Variants in TNXB observed in about 807,000 individuals in gnomAD.
The protein encoded by TNXB is tenascin-X.
A neutral mutation model predicts 340.5 loss-of-function variants in TNXB; 183 were observed. That is an observed-to-expected ratio of 0.54 (90% CI 0.48 to 0.61). The LOEUF (loss-of-function observed/expected upper bound fraction) is 0.61, where lower values mean the gene tolerates loss of function less well. TNXB is among the 20% of genes least tolerant of loss of function. The pLI is 0.00. For synonymous variants in TNXB, 2,121 were observed against 2,314.5 expected, an observed-to-expected ratio of 0.92 and a Z score of 2.40; for missense variants, 4,613 against 5,446.4, an observed-to-expected ratio of 0.85 and a Z score of 4.82.
At position 32,096,823 on chromosome 6, in the gene TNXB, A is replaced by G. The variant is rs866443724; in HGVS notation, c.1030T>C (p.Trp344Arg). The change falls in exon 3 of 44, where the codon TGG (tryptophan) becomes CGG (arginine). Residue 344 changes from tryptophan (W) to arginine (R), a missense_variant. Trp to Arg is a moderately radical substitution (Grantham distance 101). This residue lies in a region of TNXB where 4,327 missense variants were observed against 4,859.4 expected (regional missense o/e 0.89). Coordinates refer to ENST00000644971, the MANE Select transcript of TNXB (RefSeq NM_001365276.2). Reference sequence around the variant, plus strand: ...CAGCGCCCGCCCTCGCCACAGTCCCAGGGGCAGCTCCGCGTACCACAGTCC... The same window carrying G: ...CAGCGCCCGCCCTCGCCACAGTCCCGGGGGCAGCTCCGCGTACCACAGTCC... ...GEDCGTRSCP[W>R]DCGEGGRCVD... The G allele has an allele frequency of 1.9e-6, 3 of 1,591,690 alleles. No homozygotes were observed. The highest frequency in any genetic ancestry group is 2.6e-6 in the Non-Finnish European group (3 of 1,171,702).
In TNXB at chr6:32,079,436, A is replaced by C; in HGVS notation, c.4043-71T>G. 7.6e-7 allele frequency: 1 copy of C among 1,313,776 alleles called. No homozygotes were observed. The highest frequency in any genetic ancestry group is 2.4e-5 in the Admixed American group (1 of 41,582). 81.4% of individuals were successfully genotyped at this position (1,313,776 alleles called of 1,614,324 possible). A position where few individuals can be genotyped will look rare whatever the true frequency, so the allele number is the denominator to read the frequency against. The stretch of plus-strand genomic sequence containing the variant: ...GCTGCCCACAGATGACAGCCATGGA[A>C]ATGCCCTTACGCTGTGGGCTCAGGG... On this transcript the variant is annotated intron_variant, in intron 10 of 43. Transcript: ENST00000644971. This position sits in a 1 kb window ranked among gnomAD's most constrained non-coding sequence, Gnocchi z 7.1.
At chr6:32,102,548 TA>T (rs1780772846) in intron 1 of TNXB, among the ~76,000 whole-genome samples, 1 of 151,652 alleles carries the variant, frequency 6.6e-6, no homozygotes, top group Admixed American at 6.6e-5. Context: ...CTTATACTCT[TA>T]TATACCCTTC....
chr6:32,068,467 T>A lies in TNXB; in HGVS notation c.6143A>T (p.Asp2048Val). 1 of 1,613,848 alleles carries A rather than the reference T, an allele frequency of 6.2e-7. No individual in the cohort carries two copies. The highest frequency in any genetic ancestry group is 8.5e-7 in the Non-Finnish European group (1 of 1,179,888). ...GTACAGGTTCATCTTGTATTTATGG[T>A]CTGGCTCCAGGCCCGAGATGGTGAC... is the stretch of plus-strand genomic sequence containing the variant. Reference protein sequence around the residue: ...EGVTISGLEPDHKYKMNLYGF... With the variant: ...EGVTISGLEPVHKYKMNLYGF... Residue 2048 changes from aspartate to valine, a missense_variant, in exon 17 of 44, where the codon GAC becomes GTC. Physicochemically the swap from Asp to Val is radical, Grantham distance 152. Around this residue, in one of 7 missense-constraint regions of TNXB, gnomAD observed 4,327 missense variants for 4,859.4 expected, o/e 0.89. Transcript: ENST00000644971. This position sits in a 1 kb window ranked among gnomAD's most constrained non-coding sequence, Gnocchi z 5.3.
In TNXB at chr6:32,055,858, AC is replaced by A; in HGVS notation, c.8459del (p.Gly2820ValfsTer2). 6.2e-7 allele frequency: 1 copy of A among 1,606,802 alleles called. No individual in the cohort carries two copies. The highest frequency in any genetic ancestry group is 8.5e-7 in the Non-Finnish European group (1 of 1,174,102). On this transcript the variant is annotated frameshift_variant, in exon 24 of 44. Coordinates refer to ENST00000644971, the MANE Select transcript of TNXB (RefSeq NM_001365276.2). LOFTEE classifies it high-confidence loss of function. ...TCACTCACAAACACTCACCTGTCAC[AC>A]CCACGGTGGACACCGGGCCCACACG... Reference protein sequence around the residue: ...GRRVGPVSTVGVTAPEDEAET... With the variant: ...GRRVGPVSTVXVTAPEDEAET...
Position 32,058,911 on chromosome 6 carries a change from C to T in TNXB, c.7493-521G>A, listed in dbSNP as rs1207917901. On this transcript the variant is annotated intron_variant, in intron 21 of 43. Coordinates refer to ENST00000644971, the MANE Select transcript of TNXB (RefSeq NM_001365276.2). The surrounding 1 kb of genome is among the most constrained non-coding windows in gnomAD (Gnocchi z 5.1). Reference sequence around the variant, plus strand: ...TGAATGATTACAATGTACTTGTGTACAAAAAAGGAAGTGCCAAGAACTTTA... The same window carrying T: ...TGAATGATTACAATGTACTTGTGTATAAAAAAGGAAGTGCCAAGAACTTTA... 2.0e-5 allele frequency among the ~76,000 whole-genome samples: 3 copies of T among 151,712 alleles called. No homozygotes were observed. The highest frequency in any genetic ancestry group is 7.3e-5 in the African/African-American group (3 of 41,074).
At position 32,056,118 on chromosome 6, in the gene TNXB, G is replaced by C. The variant is rs200810612; in HGVS notation, c.8200C>G (p.Pro2734Ala). The C allele has an allele frequency of 3.0e-5, 48 of 1,612,558 alleles. 1 individual carries two copies. Among genetic ancestry groups the C allele is most frequent in the Non-Finnish European group, 5.9e-6 (7 of 1,179,830 alleles). Reference protein sequence around the residue: ...TELSTEAPEPPEEPLLGELTV... With the variant: ...TELSTEAPEPAEEPLLGELTV... ...AGCTCCCCCAGGAGCGGCTCCTCAG[G>C]GGGCTCCGGGGCCTCAGTGCTGAGT... is the stretch of plus-strand genomic sequence containing the variant. Residue 2734 changes from proline to alanine, a missense_variant, in exon 24 of 44, where the codon CCT becomes GCT. Transcript: ENST00000644971.
In TNXB at chr6:32,070,362, C is replaced by T. The variant is rs572158740; in HGVS notation, c.5043G>A (p.Trp1681Ter). 1.2e-6 allele frequency: 2 copies of T among 1,606,380 alleles called. No individual in the cohort carries two copies. The highest frequency in any genetic ancestry group is 4.5e-5 in the East Asian group (2 of 44,792). Residue 1681 changes from tryptophan to a stop codon, truncating the protein, a stop_gained, in exon 14 of 44, where the codon TGG (tryptophan) becomes TGA (stop). Coordinates refer to ENST00000644971, the MANE Select transcript of TNXB (RefSeq NM_001365276.2). LOFTEE classifies it high-confidence loss of function. This position sits in a 1 kb window ranked among gnomAD's most constrained non-coding sequence, Gnocchi z 6.0. Reference protein sequence around the residue: ...PGAPPRLGELWVTDPTPDSLR... With the variant: ...PGAPPRLGEL ...GTGAGTCTGGGGTGGGGTCTGTCAC[C>T]CACAGCTCCCCAAGGCGGGGTGGGG...
Position 32,065,116 on chromosome 6 carries a change from G to T in TNXB, c.6546C>A (p.Ala2182=). 6.4e-7 allele frequency: 1 copy of T among 1,562,686 alleles called. No individual in the cohort carries two copies. Among genetic ancestry groups the T allele is most frequent in the Non-Finnish European group, 8.7e-7 (1 of 1,152,104 alleles). ...GAGCATCAGGGGACTCCTCTTCGGGGGCTAGGAAGAGATAGAAACAGAATC... is the reference window on the plus strand; with the variant it reads ...GAGCATCAGGGGACTCCTCTTCGGGTGCTAGGAAGAGATAGAAACAGAATC... ...VGPVSAVGVT[A]PEEESPDAPL... is the part of the protein sequence containing the mutation. Residue 2182 remains alanine, a splice_region_variant and synonymous_variant, in exon 19 of 44, where the codon GCC becomes GCA. Transcript: ENST00000644971.
Position 32,050,276 on chromosome 6 carries a change from G to A in TNXB, c.9161C>T (p.Thr3054Ile), listed in dbSNP as rs368614627. 22 of 1,613,442 alleles carry A rather than the reference G, an allele frequency of 1.4e-5. No homozygotes were observed. In the East Asian group the frequency reaches 3.3e-4, roughly 25 times the overall value. Residue 3054 changes from threonine to isoleucine, a missense_variant, in exon 27 of 44, where the codon ACC becomes ATC. Transcript: ENST00000644971. ...AETTQAVPTM[T>I]PEPPIKPRLG... ...GCGAGGCTTGATGGGGGGCTCAGGG[G>A]TCATGGTAGGCACTGCTTGGGTGGT...
At position 32,052,747 on chromosome 6, in the gene TNXB, C is replaced by T; in HGVS notation, c.9038G>A (p.Gly3013Glu). ...SEVTVGGLEP[G>E]CKYKMHLYGL... ...GTACAGGTGCATCTTGTATTTGCAC[C>T]CGGGCTCCAGGCCCCCCACGGTGAC... The change falls in exon 26 of 44, where the codon GGG becomes GAG. Residue 3013 changes from glycine (G) to glutamate (E), a missense_variant. Transcript: ENST00000644971. This position sits in a 1 kb window ranked among gnomAD's most constrained non-coding sequence, Gnocchi z 4.7. 1 of 1,613,350 alleles carries T rather than the reference C, an allele frequency of 6.2e-7. No homozygotes were observed. The highest frequency in any genetic ancestry group is 8.5e-7 in the Non-Finnish European group (1 of 1,179,654).
chr6:32,069,692 C>T lies in TNXB; in HGVS notation c.5448G>A (p.Gln1816=). The change falls in exon 15 of 44, where the codon CAG becomes CAA. Residue 1816 remains glutamine (Q), a synonymous_variant. Coordinates refer to ENST00000644971, the MANE Select transcript of TNXB (RefSeq NM_001365276.2). The surrounding 1 kb of genome is among the most constrained non-coding windows in gnomAD (Gnocchi z 6.2). Reference sequence around the variant, plus strand: ...TGCCCTCCACGGGCACCACCTGGGGCTGCCCGTCCCTGTCTTTGTACTGGA... The same window carrying T: ...TGCCCTCCACGGGCACCACCTGGGGTTGCCCGTCCCTGTCTTTGTACTGGA... The part of the protein sequence containing the change: ...FVVQYKDRDG[Q]PQVVPVEGSL... 6.2e-7 allele frequency: 1 copy of T among 1,611,102 alleles called. No homozygotes were observed. The highest frequency in any genetic ancestry group is 8.5e-7 in the Non-Finnish European group (1 of 1,178,836).
In TNXB at chr6:32,085,545, C is replaced by T. The variant is rs1454739415; in HGVS notation, c.3148+205G>A. ...GCCTCTTTCCCCTCTCCCCACCCAT[C>T]CTTATCATTGTTTTAAGATCCCCCT... is the stretch of plus-strand genomic sequence containing the variant. On this transcript the variant is annotated intron_variant, in intron 7 of 43. Coordinates refer to ENST00000644971, the MANE Select transcript of TNXB (RefSeq NM_001365276.2). This position sits in a 1 kb window ranked among gnomAD's most constrained non-coding sequence, Gnocchi z 6.4. Among the ~76,000 whole-genome samples the T allele has an allele frequency of 6.6e-6, 1 of 152,168 alleles. No individual in the cohort carries two copies. The highest frequency in any genetic ancestry group is 1.5e-5 in the Non-Finnish European group (1 of 68,028).
chr6:32,107,511 T>C (rs528758013), intron 1 of TNXB, among the ~76,000 whole-genome samples: 1 of 152,180 alleles, frequency 6.6e-6, no homozygotes, highest in African/African-American at 2.4e-5. Context: ...GTCTCTTGTG[T>C]CTCCCCTTCA....
chr6:32,050,436 C>G (rs1027092005), intron 26 of TNXB, 115 bp from the exon 27 acceptor site: 19 of 1,317,420 alleles, frequency 1.4e-5, no homozygotes, highest in Non-Finnish European at 1.9e-5. Flanking sequence ...CACAGCGCCT[C>G]CAGCACAGCT....
In TNXB at chr6:32,045,093, G is replaced by A. The variant is rs765837801; in HGVS notation, c.10840C>T (p.Leu3614=). The A allele has an allele frequency of 6.2e-7, 1 of 1,612,716 alleles. No individual in the cohort carries two copies. ...AACCTGTAGGGGGTGCTGGGCTCCA[G>A]GCCTGAGATGAGGATCTTGCTCTGG... is the stretch of plus-strand genomic sequence containing the variant. ...GDQSKILISG[L]EPSTPYRFLL... is the part of the protein sequence containing the mutation. Residue 3614 remains leucine, a synonymous_variant, in exon 32 of 44, where the codon CTG becomes TTG. Transcript: ENST00000644971.
At position 32,053,347 on chromosome 6, in the gene TNXB, C is replaced by T. The variant is rs1227987756; in HGVS notation, c.8791+41G>A. ...ACCCATCACCAGAGAAAGGGAGACC[C>T]TCCCACAGGCCCCACTCTGGGGCTC... is the stretch of plus-strand genomic sequence containing the variant. On this transcript the variant is annotated intron_variant, in intron 25 of 43. Transcript: ENST00000644971. 3.1e-6 allele frequency: 5 copies of T among 1,593,942 alleles called. No individual in the cohort carries two copies. The Admixed American group carries it at 5.2e-5, about 17-fold the overall frequency.
In TNXB at chr6:32,083,149, C is replaced by T. The variant is rs982551730; in HGVS notation, c.3446-823G>A. The stretch of plus-strand genomic sequence containing the variant: ...GCTCCGTAGCCCTTGAATCACTGTT[C>T]CGGAATCTGACAAGTCCAACCGCAC... On this transcript the variant is annotated intron_variant, in intron 8 of 43. Transcript: ENST00000644971. The surrounding 1 kb of genome is among the most constrained non-coding windows in gnomAD (Gnocchi z 4.6). Among the ~76,000 whole-genome samples, 1 of 152,194 alleles carries T rather than the reference C, an allele frequency of 6.6e-6. No individual in the cohort carries two copies. Among genetic ancestry groups the T allele is most frequent in the Non-Finnish European group, 1.5e-5 (1 of 68,040 alleles).
intron 22 of TNXB, among the ~76,000 whole-genome samples, chr6:32,057,484 C>T (rs1006654153): frequency 6.6e-6 from 1 of 152,206 alleles, no homozygotes; most frequent in African/African-American, 2.4e-5. Flanking sequence ...CCACCCCATC[C>T]CCATCTTCAG....
Position 32,096,209 on chromosome 6 carries a change from G to A in TNXB, c.1644C>T (p.Gly548=). The change falls in exon 3 of 44, where the codon GGC becomes GGT. Residue 548 remains glycine, a synonymous_variant. Coordinates refer to ENST00000644971, the MANE Select transcript of TNXB (RefSeq NM_001365276.2). ...GCGTGCTGCAGTCTTCCCCTGAGTA[G>A]CCTGCGTCACACACGCACACGCCAT... The part of the protein sequence containing the change: ...CEDGVCVCDA[G]YSGEDCSTRS... The A allele has an allele frequency of 6.4e-7, 1 of 1,567,992 alleles. No individual in the cohort carries two copies. Among genetic ancestry groups the A allele is most frequent in the Non-Finnish European group, 8.6e-7 (1 of 1,159,762 alleles).
Sources: gnomAD v4.1 joint callset for allele counts (sites outside exome capture counted in the v4.1 genomes callset) on GRCh38, gnomAD v4.1.1 for gene constraint, gnomAD v4.1.1 regional missense constraint, Gnocchi (gnomAD v3.1) non-coding constraint, MANE v1.5 for transcripts, NCBI Gene and HGNC (gene_info 2026-07-23, HGNC 2026-07-21) for gene names.